Variants in ASTN2 observed in about 807,000 individuals in gnomAD.
The protein encoded by ASTN2 is astrotactin-2.
In ASTN2, 54 loss-of-function variants were observed where a neutral mutation model predicts 139.8. That is an observed-to-expected ratio of 0.39 (90% CI 0.31 to 0.48). ASTN2 has a LOEUF of 0.48. Among genes scored for constraint, ASTN2 ranks in the 20% least tolerant of loss-of-function variants. The probability of loss-of-function intolerance (pLI) is 0.95; values close to 1 mark genes in which losing one functional copy is unlikely to be tolerated. For missense variants in ASTN2, 1,565 were observed against 1,725.1 expected (o/e 0.91, Z 1.64); for synonymous variants, 756 against 719.5 (o/e 1.05, Z -0.81).
chr9:116,661,988 T>C (rs1315051029), intron 16 of ASTN2, among the ~76,000 whole-genome samples: 2 of 151,282 alleles, frequency 1.3e-5, no homozygotes, highest in African/African-American at 4.9e-5. Context: ...ATTGTGTACA[T>C]GTACCCTAGA....
At chr9:116,724,422 G>A (rs1828560183) in intron 16 of ASTN2, among the ~76,000 whole-genome samples, 1 of 152,182 alleles carries the variant, frequency 6.6e-6, no homozygotes, top group Non-Finnish European at 1.5e-5. Flanking sequence ...GACTGGGGAT[G>A]CAAAGCCCCC....
intron 13 of ASTN2, among the ~76,000 whole-genome samples, chr9:116,803,501 TATATATATATATATATATATA>T (rs1564276069): frequency 5.6e-3 from 40 of 7,194 alleles, no homozygotes; most frequent in East Asian, 0.024. Flanking sequence ...TATATATATA[TATATATATATATATATATATA>T]TTTTTTTTTT....
At chr9:117,276,280 C>A (rs1191505424) in intron 2 of ASTN2, among the ~76,000 whole-genome samples, 1 of 152,128 alleles carries the variant, frequency 6.6e-6, no homozygotes, top group Non-Finnish European at 1.5e-5. Context: ...AGTAGCTAGC[C>A]CAAGATCACA....
intron 19 of ASTN2, among the ~76,000 whole-genome samples, chr9:116,534,572 T>G (rs529853497): frequency 1.3e-5 from 2 of 152,288 alleles, no homozygotes; most frequent in African/African-American, 2.4e-5. Context: ...CTTTGTTCTC[T>G]TTGATTTCAA....
At chr9:116,429,474 A>G (rs1847427167) in intron 22 of ASTN2, among the ~76,000 whole-genome samples, 1 of 151,746 alleles carries the variant, frequency 6.6e-6, no homozygotes, top group South Asian at 2.1e-4. Context: ...TGGTTTGCTC[A>G]TCTATACAAA....
At chr9:116,974,672 C>T (rs749989922) in intron 10 of ASTN2, among the ~76,000 whole-genome samples, 3 of 152,000 alleles carry the variant, frequency 2.0e-5, no homozygotes, top group Non-Finnish European at 2.9e-5. Flanking sequence ...TCACATCAGG[C>T]TAATTTTTGT....
At chr9:116,949,420 C>CTCTT (rs1201857632) in intron 10 of ASTN2, among the ~76,000 whole-genome samples, 3 of 10,280 alleles carry the variant, frequency 2.9e-4, no homozygotes, top group African/African-American at 6.1e-4. Flanking sequence ...AAGTACTGAC[C>CTCTT]TCTCTCTCTC....
At chr9:117,276,783 G>A (rs917970262) in intron 2 of ASTN2, among the ~76,000 whole-genome samples, 5 of 152,152 alleles carry the variant, frequency 3.3e-5, no homozygotes, top group African/African-American at 7.2e-5. Context: ...GCAAACACAG[G>A]ATGTGGATCC....
intron 19 of ASTN2, among the ~76,000 whole-genome samples, chr9:116,532,921 G>T (rs1054551574): frequency 2.0e-5 from 3 of 152,164 alleles, no homozygotes; most frequent in African/African-American, 7.2e-5. Context: ...GCTTGCTGGG[G>T]ATGGCACTGA....
intron 13 of ASTN2, among the ~76,000 whole-genome samples, chr9:116,794,945 C>T (rs1340288764): frequency 6.6e-6 from 1 of 152,068 alleles, no homozygotes; most frequent in Admixed American, 6.6e-5. Context: ...CACTTCTATG[C>T]TTATCGTTAA....
chr9:117,210,364 C>T (rs1051352686), intron 3 of ASTN2, among the ~76,000 whole-genome samples: 3 of 151,974 alleles, frequency 2.0e-5, no homozygotes, highest in African/African-American at 7.2e-5. Flanking sequence ...AGGGAGACAT[C>T]ACAATGGATA....
intron 13 of ASTN2, among the ~76,000 whole-genome samples, chr9:116,753,723 A>G (rs182192210): frequency 6.3e-5 from 9 of 143,804 alleles, no homozygotes; most frequent in African/African-American, 2.4e-4. Flanking sequence ...TATTTTTTGT[A>G]GTCAATTCTA....
chr9:117,110,921 G>C (rs1829233222), intron 4 of ASTN2, among the ~76,000 whole-genome samples: 1 of 152,184 alleles, frequency 6.6e-6, no homozygotes, highest in Non-Finnish European at 1.5e-5. Context: ...GAGACTCAGA[G>C]AAGGGGAGCC....
At chr9:117,082,970 T>C (rs1377965907) in intron 5 of ASTN2, among the ~76,000 whole-genome samples, 1 of 152,234 alleles carries the variant, frequency 6.6e-6, no homozygotes, top group Non-Finnish European at 1.5e-5. Flanking sequence ...AAAGGTATAG[T>C]TCATGAGTCT....
intron 7 of ASTN2, among the ~76,000 whole-genome samples, chr9:117,003,329 C>T (rs1314656351): frequency 1.3e-5 from 2 of 152,138 alleles, no homozygotes; most frequent in African/African-American, 4.8e-5. Flanking sequence ...TGCAGAACCT[C>T]AGGCTTAACT....
At chr9:116,605,866 T>C (rs1388998514) in intron 19 of ASTN2, among the ~76,000 whole-genome samples, 1 of 152,128 alleles carries the variant, frequency 6.6e-6, no homozygotes, top group Non-Finnish European at 1.5e-5. Flanking sequence ...TTGAATGTAG[T>C]GGATGAGGGT....
At chr9:116,526,357 A>T (rs1026218079) in intron 19 of ASTN2, among the ~76,000 whole-genome samples, 1 of 152,148 alleles carries the variant, frequency 6.6e-6, no homozygotes, top group African/African-American at 2.4e-5. Context: ...CATGCCTGTA[A>T]TCCCAGCACT....
At chr9:117,391,393 A>G (rs1167859304) in intron 1 of ASTN2, among the ~76,000 whole-genome samples, 2 of 152,210 alleles carry the variant, frequency 1.3e-5, no homozygotes, top group African/African-American at 4.8e-5. Context: ...GTCAGACGGC[A>G]AGGAGGAGCA....
intron 10 of ASTN2, among the ~76,000 whole-genome samples, chr9:116,887,114 A>C (rs752857040): frequency 6.6e-6 from 1 of 152,184 alleles, no homozygotes; most frequent in Non-Finnish European, 1.5e-5. Flanking sequence ...CCTTATTTGA[A>C]TATAGGGACA....
Sources: gnomAD v4.1 joint callset for allele counts (sites outside exome capture counted in the v4.1 genomes callset) on GRCh38, gnomAD v4.1.1 for gene constraint, MANE v1.5 for transcripts, NCBI Gene and HGNC (gene_info 2026-07-23, HGNC 2026-07-21) for gene names.